Variants in ZCCHC7 observed in about 807,000 individuals in gnomAD.
ZCCHC7 encodes zinc finger CCHC-type containing 7.
Under a neutral mutation model 52.0 loss-of-function variants are expected in ZCCHC7, and 35 were observed. The ratio of observed to expected loss-of-function variants is 0.67; its 90% CI spans 0.51 to 0.89. The LOEUF (loss-of-function observed/expected upper bound fraction) is 0.89. Among genes scored for constraint, ZCCHC7 ranks in the 40% least tolerant of loss-of-function variants. ZCCHC7 has a pLI of 0.00. For missense variants in ZCCHC7, 574 were observed against 649.1 expected (o/e 0.88, Z 1.26); for synonymous variants, 217 against 221.5 (o/e 0.98, Z 0.18).
At chr9:37,327,635 T>C (rs1398258649) in intron 5 of ZCCHC7, among the ~76,000 whole-genome samples, 164 bp from the exon 6 acceptor site, 2 of 152,126 alleles carry the variant, frequency 1.3e-5, no homozygotes, top group Non-Finnish European at 2.9e-5. Context: ...TAAAATTCAA[T>C]TAAACTGTCT....
At chr9:37,284,402 C>A (rs1828114784) in intron 2 of ZCCHC7, 1 of 152,086 alleles carries the variant, frequency 6.6e-6, no homozygotes, top group African/African-American at 2.4e-5. Context: ...CAAAAAAATA[C>A]CTTTTTTGCA....
In ZCCHC7 at chr9:37,122,942, G is replaced by A. The variant is rs184081887; in HGVS notation, c.-22+2319G>A. ...ACAGAACGAGACTCCGTCTCAAGGG[G>A]GAAAAAAAGAAATTTGTTTAAAAAT... On this transcript the variant is annotated intron_variant, in intron 1 of 8. Coordinates refer to ENST00000336755, the MANE Select transcript of ZCCHC7 (RefSeq NM_032226.3). Among the ~76,000 whole-genome samples the A allele has an allele frequency of 3.0e-3, 463 of 152,254 alleles. 3 individuals carry two copies. The highest frequency in any genetic ancestry group is 0.013 in the South Asian group (64 of 4,824).
chr9:37,288,160 G>A (rs1828346747), intron 2 of ZCCHC7, among the ~76,000 whole-genome samples: 3 of 151,674 alleles, frequency 2.0e-5, no homozygotes, highest in Admixed American at 2.0e-4. Flanking sequence ...CACACCTGTG[G>A]TCCCAGCTAC....
chr9:37,316,950 A>C (rs1346704361), intron 5 of ZCCHC7, among the ~76,000 whole-genome samples: 1 of 151,970 alleles, frequency 6.6e-6, no homozygotes, highest in Non-Finnish European at 1.5e-5. Flanking sequence ...AAATAATAAT[A>C]ATCAGAGATG....
chr9:37,287,128 C>G (rs1828291330), intron 2 of ZCCHC7, among the ~76,000 whole-genome samples: 1 of 144,936 alleles, frequency 6.9e-6, no homozygotes, highest in Admixed American at 7.0e-5. Context: ...CTCCCGGGCT[C>G]TAGCAGTCCT....
intron 2 of ZCCHC7, among the ~76,000 whole-genome samples, chr9:37,268,058 G>A (rs1387553549): frequency 6.6e-6 from 1 of 152,046 alleles, no homozygotes; most frequent in Non-Finnish European, 1.5e-5. Flanking sequence ...CTTTCTCTAA[G>A]CCCTATTAGC....
chr9:37,163,371 G>A (rs1821217678), intron 2 of ZCCHC7, among the ~76,000 whole-genome samples: 2 of 120,634 alleles, frequency 1.7e-5, no homozygotes. Flanking sequence ...CTGGGTGACA[G>A]CAAGACTCCA....
intron 2 of ZCCHC7, among the ~76,000 whole-genome samples, chr9:37,266,896 T>C (rs1485361920): frequency 2.6e-5 from 4 of 152,204 alleles, no homozygotes; most frequent in African/African-American, 9.6e-5. Context: ...CTAACAGTGA[T>C]GTATATGTTA....
At chr9:37,181,491 G>A (rs1822350960) in intron 2 of ZCCHC7, among the ~76,000 whole-genome samples, 1 of 152,112 alleles carries the variant, frequency 6.6e-6, no homozygotes. Context: ...TTGATAAATT[G>A]ACATACAAAA....
intron 6 of ZCCHC7, among the ~76,000 whole-genome samples, chr9:37,337,065 G>C (rs190863483): frequency 6.6e-6 from 1 of 152,236 alleles, no homozygotes; most frequent in African/African-American, 2.4e-5. Flanking sequence ...AGGGCACAAA[G>C]CCTGGCTGAT....
intron 3 of ZCCHC7, among the ~76,000 whole-genome samples, chr9:37,302,906 A>G (rs562807112): frequency 6.6e-6 from 1 of 152,316 alleles, no homozygotes; most frequent in African/African-American, 2.4e-5. Context: ...TCCAGTGGAA[A>G]GAAATTATCT....
At chr9:37,174,534 A>G (rs114461995) in intron 2 of ZCCHC7, among the ~76,000 whole-genome samples, 1,571 of 152,340 alleles carry the variant, frequency 0.01, 29 homozygotes, top group African/African-American at 0.036. Context: ...AGCAGAATCT[A>G]AAACACTATT....
chr9:37,272,895 C>T (rs960278008), intron 2 of ZCCHC7, among the ~76,000 whole-genome samples: 3 of 152,144 alleles, frequency 2.0e-5, no homozygotes, highest in African/African-American at 7.2e-5. Flanking sequence ...GATTGCACCA[C>T]CAATGTATTC....
In ZCCHC7 at chr9:37,320,998, T is replaced by C. The variant is rs1771526068; in HGVS notation, c.952-6801T>C. Among the ~76,000 whole-genome samples the C allele has an allele frequency of 1.4e-5, 2 of 147,184 alleles. 1 individual carries two copies. The highest frequency in any genetic ancestry group is 5.0e-5 in the African/African-American group (2 of 40,000). On this transcript the variant is annotated intron_variant, in intron 5 of 8. Coordinates refer to ENST00000336755, the MANE Select transcript of ZCCHC7 (RefSeq NM_032226.3). ...GTTTTTTCTTTTTTCTTTTTTTTTT[T>C]TTTTTTTTGAGATGGAATCTCACTC... is the stretch of plus-strand genomic sequence containing the variant.
chr9:37,357,111 C>G lies in ZCCHC7; in HGVS notation c.1475C>G (p.Ser492Cys). Residue 492 changes from serine (S) to cysteine (C), a missense_variant, in exon 9 of 9, where the codon TCT becomes TGT. Physicochemically the swap from Ser to Cys is moderately radical, Grantham distance 112. Transcript: ENST00000336755. ...GGCAGTTTTAAAACCCAGAAGCCTT[C>G]TAAGCCCTTTCACCGTTCATCACAT... ...SPGSFKTQKPSKPFHRSSHYH... is the reference protein window; with the variant it reads ...SPGSFKTQKPCKPFHRSSHYH... 1.2e-6 allele frequency: 2 copies of G among 1,613,794 alleles called. No individual in the cohort carries two copies. Among genetic ancestry groups the G allele is most frequent in the Non-Finnish European group, 1.7e-6 (2 of 1,179,956 alleles).
At chr9:37,352,091 G>A (rs1821414674) in intron 7 of ZCCHC7, among the ~76,000 whole-genome samples, 1 of 152,300 alleles carries the variant, frequency 6.6e-6, no homozygotes, top group South Asian at 2.1e-4. Flanking sequence ...GGGGACCAGC[G>A]ATGTGGATAA....
At chr9:37,273,094 C>T (rs887193578) in intron 2 of ZCCHC7, among the ~76,000 whole-genome samples, 6 of 152,330 alleles carry the variant, frequency 3.9e-5, no homozygotes, top group African/African-American at 9.6e-5. Flanking sequence ...CAGTTATTCT[C>T]ATTTGTGTAT....
chr9:37,322,873 A>G (rs943040518), intron 5 of ZCCHC7, among the ~76,000 whole-genome samples: 3 of 152,038 alleles, frequency 2.0e-5, no homozygotes, highest in African/African-American at 7.2e-5. Context: ...TATTTCAGCT[A>G]CTTTATTGAT....
At chr9:37,345,675 G>A (rs373573126) in intron 6 of ZCCHC7, among the ~76,000 whole-genome samples, 38 of 151,392 alleles carry the variant, frequency 2.5e-4, no homozygotes, top group African/African-American at 8.7e-4. Context: ...AGCCGAGATC[G>A]TGCCACTGTG....
Sources: allele counts gnomAD v4.1 joint callset (sites outside exome capture counted in the v4.1 genomes callset), GRCh38; gene constraint gnomAD v4.1.1; transcripts MANE v1.5; gene names NCBI Gene and HGNC (gene_info 2026-07-23, HGNC 2026-07-21).